Variants in IHO1 observed in about 807,000 individuals in gnomAD.
IHO1 encodes the protein interactor of HORMAD1 protein 1.
A neutral mutation model predicts 31.0 loss-of-function variants in IHO1; 13 were observed. The ratio of observed to expected loss-of-function variants is 0.42; its 90% confidence interval spans 0.27 to 0.67. IHO1 has a LOEUF of 0.67. Ranked by LOEUF, IHO1 falls within the 30% of genes least tolerant of loss-of-function variation. IHO1 has a pLI of 0.24. For missense variants in IHO1, 599 were observed against 687.5 expected, an observed-to-expected ratio of 0.87 and a Z score of 1.44; for synonymous variants, 221 against 248.4, an observed-to-expected ratio of 0.89 and a Z score of 1.04.
chr3:49,226,502 C>G (rs184674605), intron 2 of IHO1, among the ~76,000 whole-genome samples: 2 of 152,132 alleles, frequency 1.3e-5, no homozygotes, highest in Admixed American at 6.6e-5. Flanking sequence ...TCCTAATTCT[C>G]CTTAGTCCTT....
rs139754323 is a variant in IHO1, at chr3:49,234,081, G to A, written c.57-2467G>A. 6.9e-3 allele frequency among the ~76,000 whole-genome samples: 973 copies of A among 140,894 alleles called. 7 individuals carry two copies. The highest frequency in any genetic ancestry group is 0.024 in the African/African-American group (926 of 38,222). 92.4% of individuals were successfully genotyped at this position (140,894 alleles called of 152,430 possible). A position where few individuals can be genotyped will look rare whatever the true frequency, so the allele number is the denominator to read the frequency against. On this transcript the variant is annotated intron_variant, in intron 2 of 7. Transcript: ENST00000452691. ...TGGGTCAAACTCTGTTCGGGGCTGA[G>A]AAAAAAAAGGAAAAGCATGCTTTCT...
chr3:49,256,703 C>T lies in IHO1; in HGVS notation c.1206C>T (p.Thr402=). The T allele has an allele frequency of 6.2e-7, 1 of 1,614,196 alleles. No homozygotes were observed. Among genetic ancestry groups the T allele is most frequent in the Non-Finnish European group, 8.5e-7 (1 of 1,180,034 alleles). Residue 402 remains threonine (T), a synonymous_variant, in exon 8 of 8, where the codon ACC becomes ACT. Coordinates refer to ENST00000452691, the MANE Select transcript of IHO1 (RefSeq NM_001135197.2). The surrounding 1 kb of genome is among the most constrained non-coding windows in gnomAD (Gnocchi z 4.6). ...CATCATTGGAGATAAACTTTTCAAC[C>T]AGCATTAAGAATGCCTGCCAAAAAT... ...QLTSLEINFS[T]SIKNACQKYQ... is the part of the protein sequence containing the mutation.
chr3:49,252,813 G>A (rs1214098832), intron 6 of IHO1, among the ~76,000 whole-genome samples: 1 of 152,092 alleles, frequency 6.6e-6, no homozygotes, highest in East Asian at 1.9e-4. Flanking sequence ...GGGAGGCCGA[G>A]GTGGGCGAAT....
chr3:49,242,636 T>C (rs947763041), intron 4 of IHO1, among the ~76,000 whole-genome samples: 3 of 152,128 alleles, frequency 2.0e-5, no homozygotes, highest in African/African-American at 7.2e-5. Context: ...CATTATTTAT[T>C]TTAGAGTCTA....
At chr3:49,242,696 T>G (rs1200899646) in intron 4 of IHO1, among the ~76,000 whole-genome samples, 1 of 152,052 alleles carries the variant, frequency 6.6e-6, no homozygotes, top group Non-Finnish European at 1.5e-5. Flanking sequence ...TCCCAGCTAC[T>G]CAGGAGGCTG....
At chr3:49,227,518 A>C (rs1419744442) in intron 2 of IHO1, among the ~76,000 whole-genome samples, 1 of 152,218 alleles carries the variant, frequency 6.6e-6, no homozygotes, top group African/African-American at 2.4e-5. Flanking sequence ...CTAGACCACA[A>C]GGAGGACTGA....
At chr3:49,206,064 C>T (rs1275943361) in intron 1 of IHO1, among the ~76,000 whole-genome samples, 3 of 151,646 alleles carry the variant, frequency 2.0e-5, no homozygotes, top group African/African-American at 2.4e-5. Context: ...CCTGGGTTCG[C>T]GCCATTCTCC....
chr3:49,241,224 A>T lies in IHO1; in HGVS notation c.232-2A>T. 1 of 1,578,408 alleles carries T rather than the reference A, an allele frequency of 6.3e-7. No homozygotes were observed. The highest frequency in any genetic ancestry group is 8.6e-7 in the Non-Finnish European group (1 of 1,166,336). Reference sequence around the variant, plus strand: ...ATGCTATATATTTTTTTCATTTAACAGGGTGAACCTAGCATTTTCACAAAG... The same window carrying T: ...ATGCTATATATTTTTTTCATTTAACTGGGTGAACCTAGCATTTTCACAAAG... On this transcript the variant is annotated splice_acceptor_variant, in intron 3 of 7. Transcript: ENST00000452691. LOFTEE classifies it high-confidence loss of function.
intron 2 of IHO1, among the ~76,000 whole-genome samples, chr3:49,224,708 G>A (rs866613052): frequency 1.3e-5 from 2 of 152,240 alleles, no homozygotes; most frequent in Middle Eastern, 3.4e-3. Flanking sequence ...AACTTCCATC[G>A]GTATATAGGT....
Position 49,208,018 on chromosome 3 carries a change from C to T in IHO1, c.-15-3748C>T, listed in dbSNP as rs550929141. On this transcript the variant is annotated intron_variant, in intron 1 of 7. Coordinates refer to ENST00000452691, the MANE Select transcript of IHO1 (RefSeq NM_001135197.2). ...CGATCTCCTGACCTTTTGATCCGCC[C>T]GCCTCGGCCTCCCAAACTGCCGGGA... Among the ~76,000 whole-genome samples, 4 of 152,258 alleles carry T rather than the reference C, an allele frequency of 2.6e-5. 1 individual carries two copies. Among genetic ancestry groups the T allele is most frequent in the African/African-American group, 9.6e-5 (4 of 41,566 alleles).
chr3:49,214,858 T>G (rs2046268906), intron 2 of IHO1, among the ~76,000 whole-genome samples: 1 of 151,268 alleles, frequency 6.6e-6, no homozygotes, highest in Non-Finnish European at 1.5e-5. Flanking sequence ...AAGTCTGATC[T>G]CAAACAACTG....
chr3:49,200,467 A>AGAAAGAAAG (rs1313384484), intron 1 of IHO1: 1 of 331,012 alleles, frequency 3.0e-6, no homozygotes. Flanking sequence ...TCGGTCTCAA[A>AGAAAGAAAG]AAAAAAAAAA....
intron 1 of IHO1, among the ~76,000 whole-genome samples, chr3:49,203,919 G>C (rs1444089967): frequency 6.6e-6 from 1 of 152,216 alleles, no homozygotes; most frequent in African/African-American, 2.4e-5. Flanking sequence ...CAGGAGGAGA[G>C]TGCTTAGGGG....
chr3:49,242,139 C>T (rs1489112642), intron 4 of IHO1, among the ~76,000 whole-genome samples: 2 of 145,222 alleles, frequency 1.4e-5, no homozygotes, highest in African/African-American at 2.6e-5. Context: ...AGACGGGGTT[C>T]GCCATGTTGG....
intron 6 of IHO1, among the ~76,000 whole-genome samples, chr3:49,250,579 C>G (rs1244210253): frequency 6.6e-6 from 1 of 152,180 alleles, no homozygotes. Context: ...TACATTTGCT[C>G]TCTACTATAA....
At chr3:49,202,892 G>C (rs1010275076) in intron 1 of IHO1, among the ~76,000 whole-genome samples, 3 of 117,984 alleles carry the variant, frequency 2.5e-5, no homozygotes, top group Non-Finnish European at 4.9e-5. Flanking sequence ...GTCTCGCTCT[G>C]TCGCCCAGGC....
chr3:49,233,975 T>G (rs1162286824), intron 2 of IHO1, among the ~76,000 whole-genome samples: 1 of 152,178 alleles, frequency 6.6e-6, no homozygotes, highest in Non-Finnish European at 1.5e-5. Flanking sequence ...CCCATCCCTT[T>G]GTTTCCCATA....
chr3:49,248,417 AAAAACAAAACAAAAC>A (rs139167372), intron 6 of IHO1, among the ~76,000 whole-genome samples: 1 of 148,816 alleles, frequency 6.7e-6, no homozygotes, highest in Non-Finnish European at 1.5e-5. Flanking sequence ...AGACTCTCTC[AAAAACAAAACAAAAC>A]AAAACAAAAC....
chr3:49,233,719 A>G (rs575162459), intron 2 of IHO1, among the ~76,000 whole-genome samples: 52 of 152,206 alleles, frequency 3.4e-4, no homozygotes, highest in Non-Finnish European at 6.9e-4. Flanking sequence ...AAATCTGGCC[A>G]TAAACAGGCC....
Sources: gnomAD v4.1 joint callset for allele counts (sites outside exome capture counted in the v4.1 genomes callset) on GRCh38, gnomAD v4.1.1 for gene constraint, Gnocchi (gnomAD v3.1) non-coding constraint, MANE v1.5 for transcripts, NCBI Gene and HGNC (gene_info 2026-07-23, HGNC 2026-07-21) for gene names.